FGFBP1: variants seen among roughly 807,000 people sequenced by gnomAD.
The protein encoded by FGFBP1 is fibroblast growth factor-binding protein 1.
In FGFBP1, 12 loss-of-function variants were observed where a neutral mutation model predicts 14.6. That is an observed-to-expected ratio of 0.82 (90% confidence interval 0.53 to 1.33). The LOEUF is 1.33. FGFBP1 is among the 40% of genes most tolerant of loss of function. The pLI, the probability that FGFBP1 is intolerant of heterozygous loss-of-function variation, is 0.00. For missense variants in FGFBP1, 317 were observed against 271.8 expected (o/e 1.17, Z -1.17); for synonymous variants, 117 against 105.0 (o/e 1.11, Z -0.70).
chr4:15,936,710 A>G (rs1712504912), intron 2 of FGFBP1, 58 bp from the exon 3 acceptor site: 2 of 1,058,884 alleles, frequency 1.9e-6, no homozygotes, highest in Admixed American at 4.3e-5. Flanking sequence ...GTGCAGGACT[A>G]CACGCTGGCC....
chr4:15,936,546 A>G lies in FGFBP1; in HGVS notation c.87T>C (p.Asn29=), dbSNP rs774488235. 1 of 1,613,764 alleles carries G rather than the reference A, an allele frequency of 6.2e-7. No homozygotes were observed. Among genetic ancestry groups the G allele is most frequent in the Non-Finnish European group, 8.5e-7 (1 of 1,179,922 alleles). Residue 29 remains asparagine, a synonymous_variant, in exon 3 of 3, where the codon AAT becomes AAC. Transcript: ENST00000382333. Reference sequence around the variant, plus strand: ...CTGAGACCACTTTGCTGTGAAGTCCATTCTTCACTTTTTTTTTCCCCTCCA... The same window carrying G: ...CTGAGACCACTTTGCTGTGAAGTCCGTTCTTCACTTTTTTTTTCCCCTCCA... ...LLVEGKKKVK[N]GLHSKVVSEQ...
In FGFBP1 at chr4:15,936,166, A is replaced by G. The variant is rs76614183; in HGVS notation, c.467T>C (p.Phe156Ser). 1,334 of 1,614,144 alleles carry G rather than the reference A, an allele frequency of 8.3e-4. 8 individuals carry two copies. In the African/African-American group the frequency reaches 0.015, roughly 18 times the overall value. Residue 156 changes from phenylalanine (F) to serine (S), a missense_variant, in exon 3 of 3, where the codon TTT (phenylalanine) becomes TCT (serine). Transcript: ENST00000382333. ...CTCCTTCCTGGGCTTTGTGTTCCCA[A>G]ATAGAGTGGAGCTGACTAGCTTAAG... ...SSLKLVSSTLFGNTKPRKEKT... is the reference protein window; with the variant it reads ...SSLKLVSSTLSGNTKPRKEKT...
chr4:15,937,617 A>T (rs1382828336), intron 2 of FGFBP1, among the ~76,000 whole-genome samples: 1 of 152,196 alleles, frequency 6.6e-6, no homozygotes, highest in Admixed American at 6.5e-5. Flanking sequence ...CTAGGGTTTG[A>T]TTCCCACCTT....
Position 15,936,387 on chromosome 4 carries a change from C to A in FGFBP1, c.246G>T (p.Lys82Asn). The change falls in exon 3 of 3, where the codon AAG becomes AAT. Residue 82 changes from lysine to asparagine, a missense_variant. Transcript: ENST00000382333. ...ATEQEEGISL[K>N]VECTQLDHEF... is the part of the protein sequence containing the mutation. ...CATGGTCCAATTGAGTGCACTCAAC[C>A]TTGAGAGAGATGCCCTCCTCCTGCT... is the stretch of plus-strand genomic sequence containing the variant. 1.9e-6 allele frequency: 3 copies of A among 1,614,154 alleles called. 1 individual carries two copies. Among genetic ancestry groups the A allele is most frequent in the East Asian group, 4.5e-5 (2 of 44,874 alleles).
intron 2 of FGFBP1, among the ~76,000 whole-genome samples, chr4:15,937,178 T>A (rs773828603): frequency 1.3e-5 from 2 of 152,078 alleles, no homozygotes; most frequent in East Asian, 3.9e-4. Flanking sequence ...TGACTCCATA[T>A]GGACACAGAT....
intron 2 of FGFBP1, 40 bp from the exon 3 acceptor site, chr4:15,936,692 G>A (rs1712504742): frequency 1.5e-6 from 2 of 1,303,998 alleles, no homozygotes; most frequent in Non-Finnish European, 2.1e-6. Context: ...GCAGGCAGCA[G>A]TTCAGCTGTG....
chr4:15,936,519 T>A lies in FGFBP1; in HGVS notation c.114A>T (p.Glu38Asp), dbSNP rs745887030. ...KNGLHSKVVS[E>D]QKDTLGNTQI... Reference sequence around the variant, plus strand: ...GGGTGTTGCCCAGAGTGTCCTTTTGTTCTGAGACCACTTTGCTGTGAAGTC... The same window carrying A: ...GGGTGTTGCCCAGAGTGTCCTTTTGATCTGAGACCACTTTGCTGTGAAGTC... The change falls in exon 3 of 3, where the codon GAA (glutamate) becomes GAT (aspartate). Residue 38 changes from glutamate to aspartate, a missense_variant. Transcript: ENST00000382333. 6.2e-7 allele frequency: 1 copy of A among 1,614,182 alleles called. No homozygotes were observed. The highest frequency in any genetic ancestry group is 2.2e-5 in the East Asian group (1 of 44,886).
At chr4:15,936,686 G>A in intron 2 of FGFBP1, 34 bp from the exon 3 acceptor site, 2 of 1,364,386 alleles carry the variant, frequency 1.5e-6, no homozygotes, top group Non-Finnish European at 2.0e-6. Context: ...TCAGTGGCAG[G>A]CAGCAGTTCA....
In FGFBP1 at chr4:15,936,553, A is replaced by C; in HGVS notation, c.80T>G (p.Val27Gly). Residue 27 changes from valine to glycine, a missense_variant, in exon 3 of 3, where the codon GTG becomes GGG. Coordinates refer to ENST00000382333, the MANE Select transcript of FGFBP1 (RefSeq NM_005130.5). ...QVLLVEGKKKVKNGLHSKVVS... is the reference protein window; with the variant it reads ...QVLLVEGKKKGKNGLHSKVVS... Reference sequence around the variant, plus strand: ...CACTTTGCTGTGAAGTCCATTCTTCACTTTTTTTTTCCCCTCCACCAGGAG... The same window carrying C: ...CACTTTGCTGTGAAGTCCATTCTTCCCTTTTTTTTTCCCCTCCACCAGGAG... 1.9e-6 allele frequency: 3 copies of C among 1,612,014 alleles called. No homozygotes were observed. The highest frequency in any genetic ancestry group is 2.5e-6 in the Non-Finnish European group (3 of 1,179,296).
intron 2 of FGFBP1, among the ~76,000 whole-genome samples, chr4:15,937,670 T>C (rs1165652979): frequency 6.6e-6 from 1 of 152,218 alleles, no homozygotes; most frequent in Non-Finnish European, 1.5e-5. Context: ...TATTAATATG[T>C]CATCCCAGGT....
In FGFBP1 at chr4:15,936,040, A is replaced by G; in HGVS notation, c.593T>C (p.Val198Ala). 1 of 1,614,156 alleles carries G rather than the reference A, an allele frequency of 6.2e-7. No homozygotes were observed. Among genetic ancestry groups the G allele is most frequent in the Admixed American group, 1.7e-5 (1 of 60,028 alleles). ...CTGGTTTGCCATATCTGGGTCCTCC[A>G]CACACTCGGGAGCTTTGGTGGCCAT... ...QTMATKAPEC[V>A]EDPDMANQRK... The change falls in exon 3 of 3, where the codon GTG (valine) becomes GCG (alanine). Residue 198 changes from valine to alanine, a missense_variant. Coordinates refer to ENST00000382333, the MANE Select transcript of FGFBP1 (RefSeq NM_005130.5).
chr4:15,938,158 C>T (rs1381769485), intron 2 of FGFBP1, 93 bp downstream of exon 2: 1 of 152,264 alleles, frequency 6.6e-6, no homozygotes. Context: ...CCCACCTGCC[C>T]ATGATGGAAT....
At position 15,936,068 on chromosome 4, in the gene FGFBP1, T is replaced by C. The variant is rs775089418; in HGVS notation, c.565A>G (p.Thr189Ala). 1.8e-5 allele frequency: 29 copies of C among 1,614,042 alleles called. No individual in the cohort carries two copies. Among genetic ancestry groups the C allele is most frequent in the Admixed American group, 1.7e-5 (1 of 60,004 alleles). The change falls in exon 3 of 3, where the codon ACC (threonine) becomes GCC (alanine). Residue 189 changes from threonine (T) to alanine (A), a missense_variant. Physicochemically the swap from Thr to Ala is moderately conservative, Grantham distance 58 (BLOSUM62 0). Coordinates refer to ENST00000382333, the MANE Select transcript of FGFBP1 (RefSeq NM_005130.5). ...CACTCGGGAGCTTTGGTGGCCATGG[T>C]CTGGGTCACTGCTAGGCTAGAGGGG... Reference protein sequence around the residue: ...TTPSSLAVTQTMATKAPECVE... With the variant: ...TTPSSLAVTQAMATKAPECVE...
At position 15,936,110 on chromosome 4, in the gene FGFBP1, T is replaced by G. The variant is rs748671665; in HGVS notation, c.523A>C (p.Lys175Gln). 6.2e-7 allele frequency: 1 copy of G among 1,614,116 alleles called. No homozygotes were observed. Among genetic ancestry groups the G allele is most frequent in the Non-Finnish European group, 8.5e-7 (1 of 1,179,982 alleles). ...KTEMSPREHI[K>Q]GKETTPSSLA... ...CTAGAGGGGGTGGTCTCTTTGCCTT[T>G]GATGTGCTCCCTGGGGGACATCTCT... Residue 175 changes from lysine to glutamine, a missense_variant, in exon 3 of 3, where the codon AAA (lysine) becomes CAA (glutamine). Lys to Gln is a moderately conservative substitution (Grantham distance 53, BLOSUM62 1). Coordinates refer to ENST00000382333, the MANE Select transcript of FGFBP1 (RefSeq NM_005130.5).
intron 2 of FGFBP1, 123 bp from the exon 3 acceptor site, chr4:15,936,775 T>C: frequency 3.3e-6 from 2 of 613,956 alleles, no homozygotes; most frequent in South Asian, 4.2e-5. Flanking sequence ...AGAACGCTTC[T>C]GGCTCCTGGA....
chr4:15,938,730 T>C lies in FGFBP1; in HGVS notation c.-285A>G, dbSNP rs1023362133. On this transcript the variant is annotated 5_prime_UTR_variant, in exon 1 of 3. Coordinates refer to ENST00000382333, the MANE Select transcript of FGFBP1 (RefSeq NM_005130.5). Reference sequence around the variant, plus strand: ...TCATCACATCCGCTCTAGTAGGGAGTGCAATGATTCCTCCCCTTTTACAAA... The same window carrying C: ...TCATCACATCCGCTCTAGTAGGGAGCGCAATGATTCCTCCCCTTTTACAAA... The C allele has an allele frequency of 1.3e-5, 2 of 152,096 alleles. No homozygotes were observed. Among genetic ancestry groups the C allele is most frequent in the African/African-American group, 4.8e-5 (2 of 41,406 alleles). 9.4% of individuals were successfully genotyped at this position (152,096 alleles called of 1,614,324 possible).
chr4:15,936,380 A>T lies in FGFBP1; in HGVS notation c.253T>A (p.Cys85Ser). Residue 85 changes from cysteine to serine, a missense_variant, in exon 3 of 3, where the codon TGC becomes AGC. Transcript: ENST00000382333. ...QEEGISLKVECTQLDHEFSCV... is the reference protein window; with the variant it reads ...QEEGISLKVESTQLDHEFSCV... ...GAAAATTCATGGTCCAATTGAGTGC[A>T]CTCAACCTTGAGAGAGATGCCCTCC... 9.3e-6 allele frequency: 15 copies of T among 1,614,144 alleles called. No homozygotes were observed. The highest frequency in any genetic ancestry group is 1.2e-5 in the Non-Finnish European group (14 of 1,180,018).
Position 15,936,618 on chromosome 4 carries a change from G to T in FGFBP1, c.15C>A (p.Ser5Arg). 6.2e-7 allele frequency: 1 copy of T among 1,606,916 alleles called. No homozygotes were observed. The highest frequency in any genetic ancestry group is 2.2e-5 in the East Asian group (1 of 44,818). The change falls in exon 3 of 3, where the codon AGC becomes AGA. Residue 5 changes from serine (S) to arginine (R), a missense_variant. By Grantham distance (110) the Ser-to-Arg change is moderately radical. Coordinates refer to ENST00000382333, the MANE Select transcript of FGFBP1 (RefSeq NM_005130.5). Reference protein sequence around the residue: MKICSLTLLSFLLLA... With the variant: MKICRLTLLSFLLLA... ...GTAGGAGGAAGGAGAGCAGGGTGAG[G>T]CTACAGATCTTCATGGCTGCAGCTG...
In FGFBP1 at chr4:15,935,625, G is replaced by C; in HGVS notation, c.*303C>G. 1 of 249,302 alleles carries C rather than the reference G, an allele frequency of 4.0e-6. No individual in the cohort carries two copies. Among genetic ancestry groups the C allele is most frequent in the Non-Finnish European group, 7.6e-6 (1 of 132,122 alleles). 15.4% of individuals were successfully genotyped at this position (249,302 alleles called of 1,614,324 possible). ...TTTATTACCATTAATTCAGCAGAAA[G>C]TTCGTTGCACTGAAATTATCACTCT... On this transcript the variant is annotated 3_prime_UTR_variant, in exon 3 of 3. Coordinates refer to ENST00000382333, the MANE Select transcript of FGFBP1 (RefSeq NM_005130.5).
Sources: gnomAD v4.1 joint callset for allele counts (sites outside exome capture counted in the v4.1 genomes callset) on GRCh38, gnomAD v4.1.1 for gene constraint, MANE v1.5 for transcripts, NCBI Gene and HGNC (gene_info 2026-07-23, HGNC 2026-07-21) for gene names.